Variants in DNHD1 observed in about 807,000 individuals in gnomAD.
DNHD1 encodes the protein dynein heavy chain domain 1.
A neutral mutation model predicts 458.1 loss-of-function variants in DNHD1; 383 were observed. The ratio of observed to expected loss-of-function variants is 0.84; its 90% CI spans 0.77 to 0.91. The LOEUF (loss-of-function observed/expected upper bound fraction) is 0.91. Among genes scored for constraint, DNHD1 ranks in the 40% least tolerant of loss-of-function variants. The pLI is 0.00. For missense variants in DNHD1, 5,336 were observed against 5,866.1 expected, an observed-to-expected ratio of 0.91 and a Z score of 2.95; for synonymous variants, 2,203 against 2,376.9, an observed-to-expected ratio of 0.93 and a Z score of 2.13.
At chr11:6,525,363 A>G (rs1352682461) in intron 10 of DNHD1, among the ~76,000 whole-genome samples, 2 of 152,194 alleles carry the variant, frequency 1.3e-5, no homozygotes, top group Admixed American at 6.5e-5. Context: ...TGGTTCTACA[A>G]CAATAGAGGA....
At chr11:6,567,881 C>A in intron 36 of DNHD1, 21 bp downstream of exon 36, 1 of 1,591,812 alleles carries the variant, frequency 6.3e-7, no homozygotes, top group South Asian at 1.1e-5. Flanking sequence ...AGTTTCTTGG[C>A]CACAGAGTGA....
chr11:6,542,472 T>C (rs1172148259), intron 18 of DNHD1, among the ~76,000 whole-genome samples: 1 of 152,222 alleles, frequency 6.6e-6, no homozygotes, highest in East Asian at 1.9e-4. Context: ...CCTCCACCTT[T>C]GCTCCTTTTC....
chr11:6,520,108 C>A lies in DNHD1; in HGVS notation c.1785+6C>A, dbSNP rs371116329. On this transcript the variant is annotated splice_donor_region_variant and intron_variant, in intron 9 of 42. Coordinates refer to ENST00000254579, the MANE Select transcript of DNHD1 (RefSeq NM_144666.3). Reference sequence around the variant, plus strand: ...TCAAGACCTCTGCCTTGCAGGTATTCTGAATTGGGCAGAGAGCTGGCTGTG... The same window carrying A: ...TCAAGACCTCTGCCTTGCAGGTATTATGAATTGGGCAGAGAGCTGGCTGTG... 58 of 1,614,052 alleles carry A rather than the reference C, an allele frequency of 3.6e-5. No homozygotes were observed. The highest frequency in any genetic ancestry group is 4.7e-5 in the Non-Finnish European group (56 of 1,180,036).
intron 4 of DNHD1, among the ~76,000 whole-genome samples, chr11:6,507,190 CA>C (rs1005978473): frequency 1.3e-5 from 2 of 152,146 alleles, no homozygotes; most frequent in Non-Finnish European, 2.9e-5. Flanking sequence ...AATACTTGAA[CA>C]GAGGGACAAC....
intron 7 of DNHD1, among the ~76,000 whole-genome samples, chr11:6,514,434 T>C (rs1852414346): frequency 6.6e-6 from 1 of 151,584 alleles, no homozygotes; most frequent in Admixed American, 6.6e-5. Flanking sequence ...CCAACACTTA[T>C]TTTTTTTCTT....
intron 14 of DNHD1, 49 bp from the exon 15 acceptor site, chr11:6,538,334 C>G (rs1170045735): frequency 6.5e-7 from 1 of 1,545,884 alleles, no homozygotes; most frequent in East Asian, 2.4e-5. Flanking sequence ...CACCACCCCC[C>G]TCCCAACACT....
At chr11:6,535,038 C>T (rs1270515578) in intron 14 of DNHD1, among the ~76,000 whole-genome samples, 4 of 152,228 alleles carry the variant, frequency 2.6e-5, no homozygotes, top group Non-Finnish European at 4.4e-5. Flanking sequence ...TAAGCCACTG[C>T]GCCTGGCCTT....
rs1254660143 is a variant in DNHD1 at position 6,505,255 on chromosome 11, AT to A, written c.920+2338del. Among the ~76,000 whole-genome samples the A allele has an allele frequency of 3.3e-5, 5 of 150,382 alleles. No individual in the cohort carries two copies. Among genetic ancestry groups the A allele is most frequent in the East Asian group, 2.0e-4 (1 of 5,108 alleles). Reference sequence around the variant, plus strand: ...CTGGTTTTTTATTTTTATTTTTATTATTTTTTTTTAAGATGGAGTCTCACTC... The same window carrying A: ...CTGGTTTTTTATTTTTATTTTTATTATTTTTTTTAAGATGGAGTCTCACTC... On this transcript the variant is annotated intron_variant, in intron 4 of 42. Coordinates refer to ENST00000254579, the MANE Select transcript of DNHD1 (RefSeq NM_144666.3). This position sits in a 1 kb window ranked among gnomAD's most constrained non-coding sequence, Gnocchi z 4.4.
At chr11:6,522,193 T>G (rs1310114639) in intron 10 of DNHD1, among the ~76,000 whole-genome samples, 1 of 152,190 alleles carries the variant, frequency 6.6e-6, no homozygotes, top group Admixed American at 6.5e-5. Context: ...GGGCTGTTTT[T>G]TTTTTCTTGT....
chr11:6,536,607 A>AGAT (rs1468525871), intron 14 of DNHD1, among the ~76,000 whole-genome samples: 2 of 152,212 alleles, frequency 1.3e-5, no homozygotes, highest in Admixed American at 1.3e-4. Flanking sequence ...TACCTATGGA[A>AGAT]GATAGAAGGT....
In DNHD1 at chr11:6,564,118, G is replaced by C. The variant is rs1221396627; in HGVS notation, c.10278G>C (p.Gln3426His). The C allele has an allele frequency of 1.9e-6, 3 of 1,547,260 alleles. No homozygotes were observed. The highest frequency in any genetic ancestry group is 2.6e-6 in the Non-Finnish European group (3 of 1,143,746). Residue 3426 changes from glutamine to histidine, a missense_variant, in exon 31 of 43, where the codon CAG becomes CAC. By Grantham distance (24) the Gln-to-His change is conservative (BLOSUM62 0). Transcript: ENST00000254579. ...LLTPMRAWTT[Q>H]LQKLKGRCMT... ...CGCCTATGCGTGCCTGGACTACACA[G>C]CTCCAGGTAACCATCCCCCTCCCAG...
chr11:6,566,193 C>T (rs1482709869), intron 33 of DNHD1, 48 bp from the exon 34 acceptor site: 28 of 1,542,156 alleles, frequency 1.8e-5, no homozygotes, highest in Middle Eastern at 1.8e-4. Flanking sequence ...GAATGGGGAT[C>T]ATGGGTGCTG....
intron 24 of DNHD1, among the ~76,000 whole-genome samples, chr11:6,554,417 T>G (rs1398616552): frequency 6.6e-6 from 1 of 152,134 alleles, no homozygotes; most frequent in Non-Finnish European, 1.5e-5. Flanking sequence ...GGTTGGGCAA[T>G]GATTTCTTGG....
At chr11:6,540,192 C>A in intron 18 of DNHD1, 109 bp downstream of exon 18, 1 of 928,524 alleles carries the variant, frequency 1.1e-6, no homozygotes, top group Non-Finnish European at 1.6e-6. Flanking sequence ...GGGCCCCATC[C>A]TTACTAGACA....
At chr11:6,502,648 C>A in intron 3 of DNHD1, 105 bp from the exon 4 acceptor site, 1 of 1,050,354 alleles carries the variant, frequency 9.5e-7, no homozygotes, top group Non-Finnish European at 1.3e-6. Context: ...TCTCCTCAGG[C>A]ACCTGATCTA....
At chr11:6,500,240 A>G (rs1852107391) in intron 3 of DNHD1, among the ~76,000 whole-genome samples, 1 of 152,244 alleles carries the variant, frequency 6.6e-6, no homozygotes, top group Non-Finnish European at 1.5e-5. Context: ...TGCTGGGATT[A>G]CAGGCATAAG....
chr11:6,566,797 G>A, intron 35 of DNHD1, 32 bp downstream of exon 35: 1 of 1,603,694 alleles, frequency 6.2e-7, no homozygotes, highest in Non-Finnish European at 8.5e-7. Context: ...GGGTTGAGAT[G>A]AGCATTGGAT....
rs764789498 is a variant in DNHD1, at chr11:6,544,777, T to C, written c.3853-15T>C. 1 of 1,548,172 alleles carries C rather than the reference T, an allele frequency of 6.5e-7. No homozygotes were observed. Among genetic ancestry groups the C allele is most frequent in the South Asian group, 1.2e-5 (1 of 83,992 alleles). ...TTCATATTGGCCCTCACTTTTATCC[T>C]CTCCCTCACCACAGAACTCTCGTTT... On this transcript the variant is annotated splice_polypyrimidine_tract_variant and intron_variant, in intron 20 of 42. Coordinates refer to ENST00000254579, the MANE Select transcript of DNHD1 (RefSeq NM_144666.3).
In DNHD1 at chr11:6,557,923, C is replaced by G. The variant is rs1221136370; in HGVS notation, c.8628C>G (p.Val2876=). The G allele has an allele frequency of 6.4e-7, 1 of 1,551,404 alleles. No homozygotes were observed. The highest frequency in any genetic ancestry group is 1.2e-5 in the South Asian group (1 of 84,046). ...HSMAQHVARL[V]RVLARPRQHG... is the part of the protein sequence containing the mutation. ...TGGCCCAGCACGTGGCCCGCCTGGT[C>G]CGGGTGCTGGCCAGGCCCCGGCAGC... The change falls in exon 25 of 43, where the codon GTC becomes GTG. Residue 2876 remains valine (V), a synonymous_variant. Coordinates refer to ENST00000254579, the MANE Select transcript of DNHD1 (RefSeq NM_144666.3).
Sources: gnomAD v4.1 joint callset for allele counts (sites outside exome capture counted in the v4.1 genomes callset) on GRCh38, gnomAD v4.1.1 for gene constraint, Gnocchi (gnomAD v3.1) non-coding constraint, MANE v1.5 for transcripts, NCBI Gene and HGNC (gene_info 2026-07-23, HGNC 2026-07-21) for gene names.